Variants in PCNX4 observed in about 807,000 individuals in gnomAD.
PCNX4 encodes pecanex-like protein 4.
PCNX4 carries 103 observed loss-of-function variants against 107.2 expected under a neutral mutation model. That is an observed-to-expected ratio of 0.96 (90% CI 0.82 to 1.13). The LOEUF is 1.13. Ranked by LOEUF, PCNX4 falls within the 50% of genes most tolerant of loss-of-function variation. The probability of loss-of-function intolerance (pLI) is 0.00; values close to 1 mark genes in which losing one functional copy is unlikely to be tolerated. For missense variants in PCNX4, 1,528 were observed against 1,379.4 expected (o/e 1.11, Z -1.71); for synonymous variants, 541 against 481.7 (o/e 1.12, Z -1.61).
chr14:60,104,541 A>G (rs1397761417), intron 1 of PCNX4, among the ~76,000 whole-genome samples: 1 of 152,190 alleles, frequency 6.6e-6, no homozygotes, highest in East Asian at 1.9e-4. Flanking sequence ...CACTGCTGAT[A>G]AAGACATACC....
intron 7 of PCNX4, 125 bp downstream of exon 7, chr14:60,118,817 T>G (rs529325042): frequency 2.8e-6 from 3 of 1,070,240 alleles, no homozygotes; most frequent in Non-Finnish European, 3.7e-6. Context: ...CAATTTGATG[T>G]GTAGGCAGAA....
intron 2 of PCNX4, chr14:60,109,945 T>C (rs1409561567): frequency 6.0e-6 from 1 of 167,154 alleles, no homozygotes; most frequent in East Asian, 1.9e-4. Flanking sequence ...AGCAGTTGGC[T>C]TCTCCTGTTT....
chr14:60,131,733 C>G (rs1041408692), intron 10 of PCNX4, among the ~76,000 whole-genome samples: 7 of 152,108 alleles, frequency 4.6e-5, no homozygotes, highest in African/African-American at 1.7e-4. Context: ...TCAAGAGACC[C>G]TGAATAGCCA....
At chr14:60,097,141 G>A (rs781103005) in intron 1 of PCNX4, among the ~76,000 whole-genome samples, 44 of 152,144 alleles carry the variant, frequency 2.9e-4, no homozygotes, top group Non-Finnish European at 4.4e-4. Context: ...TTTATCAGGC[G>A]CTGCCTCTAA....
intron 1 of PCNX4, among the ~76,000 whole-genome samples, chr14:60,098,779 A>G (rs570755829): frequency 3.7e-4 from 56 of 152,180 alleles, no homozygotes; most frequent in Admixed American, 5.9e-4. Context: ...TCTCTGCTCA[A>G]AATACAAAAT....
intron 1 of PCNX4, among the ~76,000 whole-genome samples, chr14:60,106,561 C>T (rs1197938141): frequency 3.9e-5 from 6 of 152,076 alleles, no homozygotes; most frequent in Non-Finnish European, 8.8e-5. Flanking sequence ...GGAACTAAGA[C>T]CAATGACTGG....
intron 1 of PCNX4, among the ~76,000 whole-genome samples, chr14:60,098,555 A>G (rs2140529193): frequency 6.6e-6 from 1 of 152,314 alleles, no homozygotes; most frequent in Admixed American, 6.5e-5. Context: ...CTTTTCTAGT[A>G]CTTGGGTAGA....
rs760854059 is a variant in PCNX4, at chr14:60,144,917, A to G, written c.*10696A>G. 4.1e-6 allele frequency: 6 copies of G among 1,470,696 alleles called. No individual in the cohort carries two copies. The highest frequency in any genetic ancestry group is 5.7e-6 in the Non-Finnish European group (6 of 1,053,206). The allele number at this position is 1,470,696 out of a possible 1,614,324, so 91.1% of individuals were successfully genotyped here. A position where few individuals can be genotyped will look rare whatever the true frequency, so the allele number is the denominator to read the frequency against. The stretch of plus-strand genomic sequence containing the variant: ...GAAGCATAAGAAGATTGCTGTTTTC[A>G]TGTTTTCCATTTCTCCCTCCAGTGG... On this transcript the variant is annotated 3_prime_UTR_variant, in exon 11 of 11. Coordinates refer to ENST00000406854, the MANE Select transcript of PCNX4 (RefSeq NM_001330177.2).
intron 8 of PCNX4, 86 bp from the exon 9 acceptor site, chr14:60,124,132 A>T: frequency 9.3e-7 from 1 of 1,080,536 alleles, no homozygotes; most frequent in Non-Finnish European, 1.3e-6. Flanking sequence ...TTTTGTGATG[A>T]GAATCTATGG....
rs1165389514 is a variant in PCNX4 at position 60,145,797 on chromosome 14, A to G, written c.*11576A>G. 1 of 152,156 alleles carries G rather than the reference A, an allele frequency of 6.6e-6. No homozygotes were observed. The highest frequency in any genetic ancestry group is 1.5e-5 in the Non-Finnish European group (1 of 68,024). The allele number at this position is 152,156 out of a possible 1,614,324, so 9.4% of individuals were successfully genotyped here. ...TCTTTTCAGAAGATATGCATTTACC[A>G]CTTTCAAAACTTTGCACTAAGAAAG... is the stretch of plus-strand genomic sequence containing the variant. On this transcript the variant is annotated 3_prime_UTR_variant, in exon 11 of 11. Transcript: ENST00000406854. This position sits in a 1 kb window ranked among gnomAD's most constrained non-coding sequence, Gnocchi z 4.0.
At chr14:60,099,725 T>C (rs1895493025) in intron 1 of PCNX4, among the ~76,000 whole-genome samples, 1 of 152,202 alleles carries the variant, frequency 6.6e-6, no homozygotes, top group African/African-American at 2.4e-5. Flanking sequence ...AAAATTTAAA[T>C]ATTTAATCTT....
At chr14:60,111,376 A>C (rs930709078) in intron 2 of PCNX4, among the ~76,000 whole-genome samples, 11 of 152,236 alleles carry the variant, frequency 7.2e-5, no homozygotes, top group Non-Finnish European at 1.5e-4. Flanking sequence ...GGGAGGATTA[A>C]TCAACAGGAA....
chr14:60,130,047 A>G (rs915310468), intron 10 of PCNX4, among the ~76,000 whole-genome samples: 60 of 152,286 alleles, frequency 3.9e-4, no homozygotes, highest in African/African-American at 1.3e-3. Context: ...AATGAAAGGC[A>G]GAGATTATCG....
chr14:60,101,170 T>C (rs886212727), intron 1 of PCNX4, among the ~76,000 whole-genome samples: 3 of 152,212 alleles, frequency 2.0e-5, no homozygotes, highest in African/African-American at 7.2e-5. Flanking sequence ...AAGCCCCTTC[T>C]TTGAGTTGTC....
rs180776535 is a variant in PCNX4, at chr14:60,143,460, C to T, written c.*9239C>T. 6.6e-6 allele frequency: 1 copy of T among 152,316 alleles called. No individual in the cohort carries two copies. Among genetic ancestry groups the T allele is most frequent in the African/African-American group, 2.4e-5 (1 of 41,558 alleles). The allele number at this position is 152,316 out of a possible 1,614,324, so 9.4% of individuals were successfully genotyped here. On this transcript the variant is annotated 3_prime_UTR_variant, in exon 11 of 11. Transcript: ENST00000406854. The stretch of plus-strand genomic sequence containing the variant: ...CCCATAGTTCACCCCGTTTCCTCCC[C>T]ATCCTAAGTAACTATTACCATACCT...
intron 6 of PCNX4, among the ~76,000 whole-genome samples, chr14:60,117,851 A>G (rs308999): frequency 0.23 from 34,364 of 152,022 alleles, 6,140 homozygotes; most frequent in African/African-American, 0.5. Context: ...GTAGTATTCA[A>G]TATGTATCTG....
chr14:60,146,096 T>C lies in PCNX4; in HGVS notation c.*11875T>C, dbSNP rs1454598286. 2 of 150,912 alleles carry C rather than the reference T, an allele frequency of 1.3e-5. No individual in the cohort carries two copies. Among genetic ancestry groups the C allele is most frequent in the East Asian group, 3.9e-4 (2 of 5,168 alleles). The allele number at this position is 150,912 out of a possible 1,614,324, so 9.3% of individuals were successfully genotyped here. A position where few individuals can be genotyped will look rare whatever the true frequency, so the allele number is the denominator to read the frequency against. ...CTATAAAGAATGAGGTATTATGTCC[T>C]AAAAATTGCTTTGAGAAATGACAGA... On this transcript the variant is annotated 3_prime_UTR_variant, in exon 11 of 11. Coordinates refer to ENST00000406854, the MANE Select transcript of PCNX4 (RefSeq NM_001330177.2). This position sits in a 1 kb window ranked among gnomAD's most constrained non-coding sequence, Gnocchi z 4.9.
At position 60,132,853 on chromosome 14, in the gene PCNX4, C is replaced by T. The variant is rs533162609; in HGVS notation, c.3268-1117C>T. Among the ~76,000 whole-genome samples, 10 of 152,192 alleles carry T rather than the reference C, an allele frequency of 6.6e-5. No homozygotes were observed. The South Asian group carries it at 1.9e-3, about 28-fold the overall frequency. Reference sequence around the variant, plus strand: ...GCCAATAAGTACATGAGAAGTGCTCCGTATAATTAGTCATCAGGGAAGTGC... The same window carrying T: ...GCCAATAAGTACATGAGAAGTGCTCTGTATAATTAGTCATCAGGGAAGTGC... On this transcript the variant is annotated intron_variant, in intron 10 of 10. Transcript: ENST00000406854.
rs755640048 is a variant in PCNX4 at position 60,107,946 on chromosome 14, G to A, written c.308G>A (p.Arg103Lys). 3.7e-6 allele frequency: 6 copies of A among 1,612,710 alleles called. No individual in the cohort carries two copies. In the African/African-American group the frequency reaches 4.0e-5, roughly 11 times the overall value. ...YAKNKSTTVE[R>K]ILTTDILAEE... Reference sequence around the variant, plus strand: ...AAAAACAAATCAACAACAGTAGAAAGAATACTAACCACGGATATCTTAGCA... The same window carrying A: ...AAAAACAAATCAACAACAGTAGAAAAAATACTAACCACGGATATCTTAGCA... The change falls in exon 2 of 11, where the codon AGA becomes AAA. Residue 103 changes from arginine (R) to lysine (K), a missense_variant. Transcript: ENST00000406854.
Sources: allele counts gnomAD v4.1 joint callset (sites outside exome capture counted in the v4.1 genomes callset), GRCh38; gene constraint gnomAD v4.1.1; non-coding constraint Gnocchi (gnomAD v3.1); transcripts MANE v1.5; gene names NCBI Gene and HGNC (gene_info 2026-07-23, HGNC 2026-07-21).